TMEM59: variants seen among roughly 807,000 people sequenced by gnomAD.
TMEM59 encodes the protein transmembrane protein 59, also known as dendritic cell factor 1.
Under a neutral mutation model 42.2 loss-of-function variants are expected in TMEM59, and 44 were observed. The observed-to-expected ratio is 1.04, with a 90% CI of 0.82 to 1.34. The LOEUF is 1.34. Ranked by LOEUF, TMEM59 falls within the 40% of genes most tolerant of loss-of-function variation. TMEM59 has a pLI of 0.00. For missense variants in TMEM59, 359 were observed against 382.8 expected (o/e 0.94, Z 0.52); for synonymous variants, 148 against 145.8 (o/e 1.02, Z -0.11).
Position 54,053,111 on chromosome 1 carries a change from C to G in TMEM59, c.78G>C (p.Leu26Phe). The G allele has an allele frequency of 6.2e-7, 1 of 1,614,270 alleles. No individual in the cohort carries two copies. Among genetic ancestry groups the G allele is most frequent in the Non-Finnish European group, 8.5e-7 (1 of 1,180,052 alleles). The part of the protein sequence containing the change: ...LPPLLLLTMA[L>F]AGGSGTASAE... ...CCGAAGCGGTCCCCGAACCTCCGGC[C>G]AAGGCCATGGTCAGCAGCAGCAGCG... The change falls in exon 1 of 8, where the codon TTG becomes TTC. Residue 26 changes from leucine to phenylalanine, a missense_variant. Coordinates refer to ENST00000234831, the MANE Select transcript of TMEM59 (RefSeq NM_004872.5).
intron 3 of TMEM59, 145 bp downstream of exon 3, chr1:54,045,547 T>G: frequency 1.5e-6 from 1 of 687,298 alleles, no homozygotes; most frequent in Non-Finnish European, 2.5e-6. Flanking sequence ...CAACTGACTT[T>G]TCTATTTGCA....
At chr1:54,052,241 A>G (rs1657568933) in intron 1 of TMEM59, among the ~76,000 whole-genome samples, 1 of 152,158 alleles carries the variant, frequency 6.6e-6, no homozygotes, top group South Asian at 2.1e-4. Flanking sequence ...AGGGTTAGGT[A>G]TGTAATTAAA....
In TMEM59 at chr1:54,043,421, T is replaced by C. The variant is rs766744072; in HGVS notation, c.495A>G (p.Ser165=). The change falls in exon 4 of 8, where the codon TCA becomes TCG. Residue 165 remains serine, a synonymous_variant. Coordinates refer to ENST00000234831, the MANE Select transcript of TMEM59 (RefSeq NM_004872.5). ...MDSAQSFITS[S]WTFYLQADDG... is the part of the protein sequence containing the mutation. ...CATCGGCTTGAAGATAAAAAGTCCA[T>C]GAAGAGGTTATGAAGCTCTGTGCGG... The C allele has an allele frequency of 1.0e-5, 16 of 1,577,134 alleles. No individual in the cohort carries two copies. Among genetic ancestry groups the C allele is most frequent in the African/African-American group, 4.1e-5 (3 of 73,676 alleles).
chr1:54,053,032 G>A lies in TMEM59; in HGVS notation c.157C>T (p.Gln53Ter). Residue 53 changes from glutamine (Q) to a stop codon, truncating the protein, a stop_gained, in exon 1 of 8, where the codon CAG becomes TAG. Transcript: ENST00000234831. LOFTEE classifies it high-confidence loss of function. ...TAGGTGTGCAAGGGGTAGGTCAACT[G>A]ACAGGCCCGGTGGCAAGACGCCGTA... ...GDTASCHRAC[Q>*]LTYPLHTYPK... 1.2e-6 allele frequency: 2 copies of A among 1,614,160 alleles called. No individual in the cohort carries two copies. The highest frequency in any genetic ancestry group is 1.7e-6 in the Non-Finnish European group (2 of 1,180,008).
intron 1 of TMEM59, chr1:54,047,863 T>C (rs1187596714): frequency 6.3e-6 from 1 of 157,870 alleles, no homozygotes; most frequent in Non-Finnish European, 1.4e-5. Flanking sequence ...TAGTACTCAG[T>C]AGGCTGAGGT....
At chr1:54,042,001 A>G (rs1407815627) in intron 4 of TMEM59, among the ~76,000 whole-genome samples, 196 bp from the exon 5 acceptor site, 1 of 152,102 alleles carries the variant, frequency 6.6e-6, no homozygotes, top group Non-Finnish European at 1.5e-5. Flanking sequence ...CCTTGCAAAG[A>G]AACAGATTTC....
intron 1 of TMEM59, among the ~76,000 whole-genome samples, chr1:54,048,975 ATT>A (rs1418593539): frequency 6.6e-6 from 1 of 152,222 alleles, no homozygotes. Flanking sequence ...CAGTTAAAGA[ATT>A]ATTTTATGTC....
chr1:54,042,193 C>G (rs965870442), intron 4 of TMEM59, among the ~76,000 whole-genome samples: 19 of 152,022 alleles, frequency 1.2e-4, no homozygotes, highest in African/African-American at 4.6e-4. Flanking sequence ...GCTAAATACA[C>G]ATTATCTCTA....
intron 1 of TMEM59, 152 bp from the exon 2 acceptor site, chr1:54,047,524 G>C: frequency 1.6e-6 from 1 of 636,790 alleles, no homozygotes; most frequent in Non-Finnish European, 2.7e-6. Context: ...GGAGCCAGTT[G>C]ATACTCAAGA....
chr1:54,047,770 G>A (rs2100330759), intron 1 of TMEM59: 2 of 234,684 alleles, frequency 8.5e-6, no homozygotes, highest in South Asian at 5.3e-5. Flanking sequence ...AGGCCAGCCT[G>A]GACTATATAG....
rs1285991784 is a variant in TMEM59, at chr1:54,052,397, T to C, written c.189+603A>G. Among the ~76,000 whole-genome samples, 7 of 152,190 alleles carry C rather than the reference T, an allele frequency of 4.6e-5. No homozygotes were observed. In the South Asian group the frequency reaches 6.2e-4, roughly 14 times the overall value. ...CAGTTTCTGGTAGGCAGACACCTAA[T>C]TGCCTCTTCTCTAACCCAGTCCCTC... On this transcript the variant is annotated intron_variant, in intron 1 of 7. Transcript: ENST00000234831.
chr1:54,032,431 G>T, intron 7 of TMEM59, 126 bp from the exon 8 acceptor site: 1 of 958,258 alleles, frequency 1.0e-6, no homozygotes, highest in Non-Finnish European at 1.4e-6. Flanking sequence ...CTTTAAGAAA[G>T]AAGAATACTT....
At position 54,045,758 on chromosome 1, in the gene TMEM59, A is replaced by C; in HGVS notation, c.324T>G (p.Asp108Glu). Residue 108 changes from aspartate to glutamate, a missense_variant, in exon 3 of 8, where the codon GAT becomes GAG. Physicochemically the swap from Asp to Glu is conservative, Grantham distance 45. Coordinates refer to ENST00000234831, the MANE Select transcript of TMEM59 (RefSeq NM_004872.5). ...SACTEAYSQSDEQYACHLGCQ... is the reference protein window; with the variant it reads ...SACTEAYSQSEEQYACHLGCQ... ...AACCAAGATGGCAAGCATATTGCTC[A>C]TCAGATTGGGAATATGCTTCTGTAC... 6.2e-7 allele frequency: 1 copy of C among 1,614,132 alleles called. No individual in the cohort carries two copies. The highest frequency in any genetic ancestry group is 8.5e-7 in the Non-Finnish European group (1 of 1,179,986).
intron 2 of TMEM59, 26 bp downstream of exon 2, chr1:54,047,241 C>A: frequency 6.4e-7 from 1 of 1,564,000 alleles, no homozygotes; most frequent in South Asian, 1.1e-5. Flanking sequence ...TTACATACAG[C>A]TGATGTCGTT....
Position 54,036,700 on chromosome 1 carries a change from T to C in TMEM59, c.726A>G (p.Leu242=). ...RCLSLNSGWI[L]TTTLVLSVMV... The stretch of plus-strand genomic sequence containing the variant: ...TCACCGAGAGGACAAGAGTTGTAGT[T>C]AAAATCCACCCAGAGTTACTGGAAA... Residue 242 remains leucine, a synonymous_variant, in exon 7 of 8, where the codon TTA becomes TTG. Coordinates refer to ENST00000234831, the MANE Select transcript of TMEM59 (RefSeq NM_004872.5). 1.3e-6 allele frequency: 2 copies of C among 1,598,366 alleles called. No individual in the cohort carries two copies. The highest frequency in any genetic ancestry group is 1.7e-6 in the Non-Finnish European group (2 of 1,173,836).
chr1:54,031,960 C>T lies in TMEM59; in HGVS notation c.*190G>A. 2 of 462,746 alleles carry T rather than the reference C, an allele frequency of 4.3e-6. No individual in the cohort carries two copies. The highest frequency in any genetic ancestry group is 7.3e-6 in the Non-Finnish European group (2 of 275,478). The allele number at this position is 462,746 out of a possible 1,614,324, so 28.7% of individuals were successfully genotyped here. On this transcript the variant is annotated 3_prime_UTR_variant, in exon 8 of 8. Coordinates refer to ENST00000234831, the MANE Select transcript of TMEM59 (RefSeq NM_004872.5). ...AAAATAATAATACAATCCCAAACAT[C>T]CACCTCTTAAATTACTACAAAAACA... is the stretch of plus-strand genomic sequence containing the variant.
chr1:54,048,509 TAAGACAG>T, intron 1 of TMEM59: 1 of 234,492 alleles, frequency 4.3e-6, no homozygotes. Flanking sequence ...TGTGAAAGCT[TAAGACAG>T]GATGGACATC....
chr1:54,049,843 GAAGTT>G (rs1173776180), intron 1 of TMEM59, among the ~76,000 whole-genome samples: 2 of 152,062 alleles, frequency 1.3e-5, no homozygotes, highest in Non-Finnish European at 2.9e-5. Flanking sequence ...TAAATAAATA[GAAGTT>G]AAGTGATCAG....
chr1:54,040,634 G>C, intron 6 of TMEM59, 122 bp downstream of exon 6: 1 of 722,384 alleles, frequency 1.4e-6, no homozygotes, highest in South Asian at 2.0e-5. Context: ...TACAACTTTG[G>C]AAAGGAACAA....
Sources: gnomAD v4.1 joint callset for allele counts (sites outside exome capture counted in the v4.1 genomes callset) on GRCh38, gnomAD v4.1.1 for gene constraint, MANE v1.5 for transcripts, NCBI Gene and HGNC (gene_info 2026-07-23, HGNC 2026-07-21) for gene names.